The following KRABD3 variants were observed in gnomAD, a reference collection of about 807,000 sequenced individuals.
The protein encoded by KRABD3 is KRAB domain containing 3.
At chr7:149,727,253 T>A in the KRABD3 span, among the ~76,000 whole-genome samples, 1 of 152,336 alleles carries the variant, frequency 6.6e-6, no homozygotes, top group Admixed American at 6.5e-5. Flanking sequence ...AACAGGCCTC[T>A]CACAGCAGCC....
the KRABD3 span, chr7:149,728,664 C>T: frequency 6.2e-7 from 1 of 1,613,430 alleles, no homozygotes; most frequent in Non-Finnish European, 8.5e-7. Context: ...AACTGGACAG[C>T]AGACAAGGAA....
At chr7:149,725,412 T>C in the KRABD3 span, 1 of 1,611,896 alleles carries the variant, frequency 6.2e-7, no homozygotes. Flanking sequence ...CACCCACTTC[T>C]TGTTCCCAGA....
At chr7:149,715,974 C>T in the KRABD3 span, among the ~76,000 whole-genome samples, 1 of 152,206 alleles carries the variant, frequency 6.6e-6, no homozygotes, top group African/African-American at 2.4e-5. Flanking sequence ...GGCCATTGAC[C>T]TTTCAGATCT....
the KRABD3 span, chr7:149,730,495 T>C: frequency 6.2e-7 from 1 of 1,610,964 alleles, no homozygotes; most frequent in South Asian, 1.1e-5. Context: ...GGACCCCTGC[T>C]GGCAGCAGTG....
the KRABD3 span, among the ~76,000 whole-genome samples, chr7:149,720,490 G>A: frequency 6.6e-6 from 1 of 152,254 alleles, no homozygotes; most frequent in African/African-American, 2.4e-5. Context: ...ACTGGGCAAG[G>A]CCAGGCATTT....
the KRABD3 span, chr7:149,731,741 G>A: frequency 1.2e-6 from 2 of 1,612,302 alleles, no homozygotes; most frequent in Non-Finnish European, 1.7e-6. Flanking sequence ...GCATCCAGAG[G>A]CCTGGAGCTT....
the KRABD3 span, chr7:149,722,277 A>G: frequency 3.7e-6 from 4 of 1,090,172 alleles, no homozygotes; most frequent in Admixed American, 2.4e-5. Context: ...TTAAACCAGA[A>G]AGAAACGGTA....
the KRABD3 span, chr7:149,714,977 C>T: frequency 8.5e-7 from 1 of 1,175,742 alleles, no homozygotes; most frequent in Non-Finnish European, 1.1e-6. Context: ...ACCTGGGCCG[C>T]CGCCGACGAG....
At chr7:149,734,147 G>T in the KRABD3 span, 1 of 1,425,752 alleles carries the variant, frequency 7.0e-7, no homozygotes, top group Non-Finnish European at 9.4e-7. Context: ...CCCAGAGGAC[G>T]CCATCTCCCT....
At chr7:149,728,801 G>T in the KRABD3 span, 7 of 1,116,662 alleles carry the variant, frequency 6.3e-6, no homozygotes, top group Non-Finnish European at 8.7e-6. Context: ...CCTGGGCAGA[G>T]CCTTGTTGGA....
At chr7:149,719,583 C>T in the KRABD3 span, 10 of 1,606,706 alleles carry the variant, frequency 6.2e-6, no homozygotes, top group Admixed American at 1.7e-5. This position sits in a 1 kb window ranked among gnomAD's most constrained non-coding sequence, Gnocchi z 5.6. Flanking sequence ...GTGCGGTTCT[C>T]GGAGGAGGAG....
chr7:149,729,590 T>C, the KRABD3 span: 1 of 985,318 alleles, frequency 1.0e-6, no homozygotes, highest in Non-Finnish European at 1.2e-6. Context: ...TCATTGTTTG[T>C]GTCCATCCAT....
the KRABD3 span, chr7:149,728,459 G>T: frequency 5.2e-6 from 8 of 1,542,566 alleles, no homozygotes; most frequent in South Asian, 1.2e-5. Context: ...AAGACAGGGG[G>T]CTTCTGCAGT....
chr7:149,728,755 T>G, the KRABD3 span: 5 of 1,460,224 alleles, frequency 3.4e-6, no homozygotes, highest in Non-Finnish European at 4.6e-6. Context: ...TGGGCTCAGA[T>G]CTGCTCCTGA....
chr7:149,715,389 G>T, the KRABD3 span: 4 of 1,128,220 alleles, frequency 3.5e-6, no homozygotes, highest in Non-Finnish European at 4.4e-6. Context: ...TGGAATCCTG[G>T]ATCCCGGGGG....
At chr7:149,725,563 G>A in the KRABD3 span, 1 of 1,408,260 alleles carries the variant, frequency 7.1e-7, no homozygotes, top group Middle Eastern at 1.8e-4. Flanking sequence ...GGACTGTCGG[G>A]TCATTGTGTT....
the KRABD3 span, chr7:149,729,517 G>C: frequency 8.0e-7 from 1 of 1,257,858 alleles, no homozygotes; most frequent in South Asian, 3.4e-5. Flanking sequence ...AACAGAAACT[G>C]AGGTTCGCTA....
chr7:149,729,598 CA>C, the KRABD3 span: 19 of 985,304 alleles, frequency 1.9e-5, no homozygotes, highest in Non-Finnish European at 2.2e-5. Context: ...TGTGTCCATC[CA>C]TTGGGTTTCT....
At chr7:149,720,735 TG>T in the KRABD3 span, 1 of 1,219,300 alleles carries the variant, frequency 8.2e-7, no homozygotes, top group Non-Finnish European at 1.1e-6. Flanking sequence ...CTCATGTGGC[TG>T]GGAGGATTAC....
Sources: allele counts gnomAD v4.1 joint callset (sites outside exome capture counted in the v4.1 genomes callset), GRCh38; gene constraint gnomAD v4.1.1; non-coding constraint Gnocchi (gnomAD v3.1); transcripts MANE v1.5; gene names NCBI Gene and HGNC (gene_info 2026-07-23, HGNC 2026-07-21).